Variants in MAST4 observed in about 807,000 individuals in gnomAD.
MAST4 encodes microtubule-associated serine/threonine-protein kinase 4.
MAST4 carries 89 observed loss-of-function variants against 162.7 expected under a neutral mutation model. The observed-to-expected ratio is 0.55, with a 90% CI of 0.46 to 0.65. The LOEUF (loss-of-function observed/expected upper bound fraction) is 0.65. Among genes scored for constraint, MAST4 ranks in the 30% least tolerant of loss-of-function variants. The pLI is 0.00. For synonymous variants in MAST4, 1,479 were observed against 1,361.1 expected, an observed-to-expected ratio of 1.09 and a Z score of -1.91; for missense variants, 3,153 against 3,374.0, an observed-to-expected ratio of 0.93 and a Z score of 1.62.
At chr5:66,852,566 A>G (rs938856649) in intron 3 of MAST4, among the ~76,000 whole-genome samples, 2 of 152,194 alleles carry the variant, frequency 1.3e-5, no homozygotes, top group African/African-American at 4.8e-5. Context: ...CACAATTTGT[A>G]CCATGGTCTG....
At chr5:66,771,630 G>A (rs909427116) in intron 2 of MAST4, among the ~76,000 whole-genome samples, 11 of 152,106 alleles carry the variant, frequency 7.2e-5, no homozygotes, top group South Asian at 4.1e-4. Context: ...AGGTTCTAGC[G>A]TGATTCTACA....
intron 4 of MAST4, among the ~76,000 whole-genome samples, chr5:66,907,204 A>G (rs980291528): frequency 4.6e-5 from 4 of 86,484 alleles, no homozygotes; most frequent in Non-Finnish European, 7.6e-5. Context: ...AGAGAGAGAG[A>G]GAGTCCTGCT....
intron 4 of MAST4, among the ~76,000 whole-genome samples, chr5:67,033,004 A>G (rs115176781): frequency 5.1e-4 from 78 of 152,214 alleles, no homozygotes; most frequent in African/African-American, 1.9e-3. Flanking sequence ...AATCATATAT[A>G]AATACTTTTT....
chr5:66,730,356 T>C (rs1751765517), intron 1 of MAST4, among the ~76,000 whole-genome samples: 1 of 152,142 alleles, frequency 6.6e-6, no homozygotes. Flanking sequence ...AATAGGTAAT[T>C]CTTTTCTCAA....
intron 3 of MAST4, among the ~76,000 whole-genome samples, chr5:66,830,745 G>GA (rs1475330274): frequency 6.6e-6 from 1 of 152,110 alleles, no homozygotes; most frequent in Non-Finnish European, 1.5e-5. Flanking sequence ...CCACTGTAGG[G>GA]AAACTATTTA....
chr5:66,899,333 G>A (rs1762868810), intron 3 of MAST4, among the ~76,000 whole-genome samples: 1 of 152,266 alleles, frequency 6.6e-6, no homozygotes, highest in South Asian at 2.1e-4. Flanking sequence ...AAACTATGAA[G>A]CACTCTAATA....
chr5:66,991,853 T>A (rs1561510362), intron 4 of MAST4, among the ~76,000 whole-genome samples: 1 of 152,236 alleles, frequency 6.6e-6, no homozygotes, highest in Non-Finnish European at 1.5e-5. Flanking sequence ...TGTGCCTCCA[T>A]GAGCCCTCAC....
chr5:67,149,932 CT>C (rs1486715490), intron 24 of MAST4, among the ~76,000 whole-genome samples: 1 of 151,930 alleles, frequency 6.6e-6, no homozygotes, highest in Non-Finnish European at 1.5e-5. Context: ...AATTTTTTTT[CT>C]CTAGAGTATG....
chr5:66,730,605 T>C (rs1327429848), intron 1 of MAST4, among the ~76,000 whole-genome samples: 2 of 152,122 alleles, frequency 1.3e-5, no homozygotes, highest in Non-Finnish European at 1.5e-5. Flanking sequence ...TTCTGAACAG[T>C]AGTTAAGGTA....
chr5:66,836,778 C>G (rs148122321), intron 3 of MAST4, among the ~76,000 whole-genome samples: 1 of 152,182 alleles, frequency 6.6e-6, no homozygotes, highest in African/African-American at 2.4e-5. Flanking sequence ...GAACTTAAGA[C>G]ACCAGAACCT....
At chr5:66,912,718 T>C (rs10055729) in intron 4 of MAST4, among the ~76,000 whole-genome samples, 2 of 152,116 alleles carry the variant, frequency 1.3e-5, no homozygotes, top group Admixed American at 6.5e-5. Context: ...AGGCCACTTA[T>C]GTTTATTCTA....
At chr5:67,092,634 A>C (rs911704071) in intron 6 of MAST4, among the ~76,000 whole-genome samples, 1 of 152,156 alleles carries the variant, frequency 6.6e-6, no homozygotes, top group Non-Finnish European at 1.5e-5. Flanking sequence ...TGTATTGCAG[A>C]CTGCTTTCAC....
intron 4 of MAST4, among the ~76,000 whole-genome samples, chr5:66,978,852 T>C (rs1209739301): frequency 6.6e-6 from 1 of 152,192 alleles, no homozygotes; most frequent in Admixed American, 6.5e-5. Flanking sequence ...GTAGGACATG[T>C]CTGGAGGTTT....
intron 4 of MAST4, among the ~76,000 whole-genome samples, chr5:66,904,571 T>C (rs1763221033): frequency 6.6e-6 from 1 of 152,194 alleles, no homozygotes; most frequent in African/African-American, 2.4e-5. Flanking sequence ...AGGTCCGGGA[T>C]CTATAAAATT....
intron 4 of MAST4, among the ~76,000 whole-genome samples, chr5:67,031,420 G>A (rs1755305656): frequency 1.3e-5 from 2 of 152,122 alleles, no homozygotes; most frequent in South Asian, 4.1e-4. Flanking sequence ...CTTTGAATAA[G>A]TTGGAAAGAT....
chr5:67,163,782 A>C lies in MAST4; in HGVS notation c.4603A>C (p.Lys1535Gln). The change falls in exon 29 of 29, where the codon AAG (lysine) becomes CAG (glutamine). Residue 1535 changes from lysine (K) to glutamine (Q), a missense_variant. This residue lies in a region of MAST4 where 1,644 missense variants were observed against 1,495.0 expected (regional missense o/e 1.10). Coordinates refer to ENST00000403625, the MANE Select transcript of MAST4 (RefSeq NM_001164664.2). The surrounding 1 kb of genome is among the most constrained non-coding windows in gnomAD (Gnocchi z 7.0). ...CCTGGACCGCGACAAGCTGAAGGCC[A>C]AGGTGGTGGTGAAGAAAGCAGACGG... ...DDLDRDKLKA[K>Q]VVVKKADGFP... The C allele has an allele frequency of 6.2e-7, 1 of 1,611,666 alleles. No homozygotes were observed.
intron 1 of MAST4, among the ~76,000 whole-genome samples, chr5:66,620,485 A>G (rs1744006003): frequency 6.6e-6 from 1 of 152,310 alleles, no homozygotes; most frequent in East Asian, 1.9e-4. Context: ...TAATAATGGC[A>G]TTGAACCCTA....
intron 3 of MAST4, among the ~76,000 whole-genome samples, chr5:66,837,269 A>G (rs1024224090): frequency 2.6e-5 from 4 of 152,100 alleles, no homozygotes; most frequent in African/African-American, 9.7e-5. Flanking sequence ...TTGAGAACGT[A>G]TTTTCTTTTT....
intron 1 of MAST4, among the ~76,000 whole-genome samples, chr5:66,676,654 T>C (rs1747966514): frequency 6.6e-6 from 1 of 152,216 alleles, no homozygotes; most frequent in Non-Finnish European, 1.5e-5. Context: ...GAGCACTTGC[T>C]GAGAATGAAG....
Sources: allele counts gnomAD v4.1 joint callset (sites outside exome capture counted in the v4.1 genomes callset), GRCh38; gene constraint gnomAD v4.1.1; regional missense constraint gnomAD v4.1.1; non-coding constraint Gnocchi (gnomAD v3.1); transcripts MANE v1.5; gene names NCBI Gene and HGNC (gene_info 2026-07-23, HGNC 2026-07-21).